CACNA1G: variants seen among roughly 807,000 people sequenced by gnomAD.
CACNA1G encodes calcium voltage-gated channel subunit alpha1 G, also known as voltage-dependent T-type calcium channel subunit alpha-1G.
In CACNA1G, 67 loss-of-function variants were observed where a neutral mutation model predicts 219.4. The observed-to-expected ratio is 0.31, with a 90% CI of 0.25 to 0.37. The LOEUF (loss-of-function observed/expected upper bound fraction) is 0.37. Ranked by LOEUF, CACNA1G falls within the 10% of genes least tolerant of loss-of-function variation. CACNA1G has a pLI of 1.00. For synonymous variants in CACNA1G, 1,296 were observed against 1,345.3 expected, an observed-to-expected ratio of 0.96 and a Z score of 0.80; for missense variants, 2,380 against 3,231.4, an observed-to-expected ratio of 0.74 and a Z score of 6.39.
At chr17:50,599,196 T>C (rs540768362) in intron 16 of CACNA1G, among the ~76,000 whole-genome samples, 153 of 152,350 alleles carry the variant, frequency 1.0e-3, no homozygotes, top group African/African-American at 3.3e-3. Context: ...TATTGCCATA[T>C]CTAGTTTACA....
chr17:50,573,320 G>T, intron 7 of CACNA1G: 1 of 552,428 alleles, frequency 1.8e-6, no homozygotes, highest in Non-Finnish European at 3.3e-6. Flanking sequence ...ACTGCTATTG[G>T]GACCTTGGGC....
At chr17:50,605,667 C>T (rs974686873) in intron 22 of CACNA1G, among the ~76,000 whole-genome samples, 3 of 152,212 alleles carry the variant, frequency 2.0e-5, no homozygotes, top group Admixed American at 6.5e-5. Context: ...TACCCGCCTC[C>T]ACCCTTTCCC....
intron 36 of CACNA1G, 27 bp from the exon 37 acceptor site, chr17:50,624,333 C>A: frequency 1.6e-6 from 2 of 1,281,286 alleles, no homozygotes; most frequent in Non-Finnish European, 2.2e-6. Flanking sequence ...CTCCCCCCAC[C>A]CCTCCCCCGC....
At position 50,572,624 on chromosome 17, in the gene CACNA1G, C is replaced by A; in HGVS notation, c.817C>A (p.Gln273Lys). The A allele has an allele frequency of 6.3e-7, 1 of 1,595,984 alleles. No individual in the cohort carries two copies. The change falls in exon 6 of 38, where the codon CAG (glutamine) becomes AAG (lysine). Residue 273 changes from glutamine (Q) to lysine (K), a missense_variant. By Grantham distance (53) the Gln-to-Lys change is moderately conservative. Transcript: ENST00000359106. ...NEDESPFICS[Q>K]PRENGMRSCR... is the part of the protein sequence containing the mutation. Reference sequence around the variant, plus strand: ...GGATGAGAGCCCCTTCATCTGCTCCCAGCCACGCGAGAACGGCATGCGGTC... The same window carrying A: ...GGATGAGAGCCCCTTCATCTGCTCCAAGCCACGCGAGAACGGCATGCGGTC...
intron 1 of CACNA1G, 38 bp from the exon 2 acceptor site, chr17:50,568,832 C>A: frequency 6.4e-7 from 1 of 1,567,418 alleles, no homozygotes; most frequent in Non-Finnish European, 8.8e-7. Context: ...CCGGCCTCAG[C>A]TCCAGCCTTG....
chr17:50,615,220 C>T (rs1312815177), intron 26 of CACNA1G, 141 bp from the exon 27 acceptor site: 32 of 797,694 alleles, frequency 4.0e-5, no homozygotes, highest in African/African-American at 2.1e-4. Context: ...CAAGGGGCAG[C>T]GTGGGGAGGG....
intron 25 of CACNA1G, among the ~76,000 whole-genome samples, chr17:50,608,555 C>T (rs1042082896): frequency 6.7e-6 from 1 of 148,820 alleles, no homozygotes; most frequent in Non-Finnish European, 1.5e-5. Flanking sequence ...TATATTTCTG[C>T]TAAACTTAAA....
In CACNA1G at chr17:50,591,724, C is replaced by T. The variant is rs750811690; in HGVS notation, c.2640-15C>T. 28 of 1,612,276 alleles carry T rather than the reference C, an allele frequency of 1.7e-5. No individual in the cohort carries two copies. Among genetic ancestry groups the T allele is most frequent in the Non-Finnish European group, 2.1e-5 (25 of 1,178,502 alleles). On this transcript the variant is annotated splice_polypyrimidine_tract_variant and intron_variant, in intron 11 of 37. Coordinates refer to ENST00000359106, the MANE Select transcript of CACNA1G (RefSeq NM_018896.5). ...GGGCTCTGATCCCTAGCTTGTGGCC[C>T]CCTTGTGCCCACAGCATCCTGGGCA...
intron 8 of CACNA1G, among the ~76,000 whole-genome samples, chr17:50,577,102 C>G: frequency 6.6e-6 from 1 of 152,218 alleles, no homozygotes; most frequent in East Asian, 1.9e-4. Flanking sequence ...CCAGAAGGTG[C>G]TATCACAGAA....
rs749835211 is a variant in CACNA1G at position 50,569,287 on chromosome 17, C to T, written c.477C>T (p.Ile159=). 3.1e-6 allele frequency: 5 copies of T among 1,613,598 alleles called. No homozygotes were observed. The highest frequency in any genetic ancestry group is 3.4e-6 in the Non-Finnish European group (4 of 1,179,804). The change falls in exon 3 of 38, where the codon ATC becomes ATT. Residue 159 remains isoleucine (I), a synonymous_variant. Transcript: ENST00000359106. ...GDTWNRLDFF[I]VIAGMLEYSL... ...CTTGGAACCGGCTTGACTTTTTCAT[C>T]GTCATCGCAGGGTGAGGACCTGGGC... is the stretch of plus-strand genomic sequence containing the variant.
At chr17:50,572,484 C>A in intron 5 of CACNA1G, 70 bp from the exon 6 acceptor site, 1 of 1,339,914 alleles carries the variant, frequency 7.5e-7, no homozygotes, top group South Asian at 1.5e-5. Context: ...TGCCATCTCT[C>A]CCTTCCTGGG....
intron 35 of CACNA1G, among the ~76,000 whole-genome samples, chr17:50,622,986 G>A (rs550902956): frequency 6.6e-6 from 1 of 151,902 alleles, no homozygotes; most frequent in Non-Finnish European, 1.5e-5. Context: ...TGAACAGCCT[G>A]CAACCTGCAA....
Position 50,626,410 on chromosome 17 carries a change from C to A in CACNA1G, c.6793C>A (p.Gln2265Lys), listed in dbSNP as rs747909406. The change falls in exon 38 of 38, where the codon CAG becomes AAG. Residue 2265 changes from glutamine to lysine, a missense_variant. Coordinates refer to ENST00000359106, the MANE Select transcript of CACNA1G (RefSeq NM_018896.5). This position sits in a 1 kb window ranked among gnomAD's most constrained non-coding sequence, Gnocchi z 4.3. ...QRRPTSWLDE[Q>K]RRHSIAVSCL... is the part of the protein sequence containing the mutation. ...CCGGCCTACGTCCTGGCTGGATGAG[C>A]AGAGGAGACACTCTATCGCCGTCAG... 1 of 1,610,754 alleles carries A rather than the reference C, an allele frequency of 6.2e-7. No homozygotes were observed. The highest frequency in any genetic ancestry group is 8.5e-7 in the Non-Finnish European group (1 of 1,178,976).
chr17:50,561,049 G>GGC lies in CACNA1G; in HGVS notation c.-408_-407dup, dbSNP rs1462677082. On this transcript the variant is annotated 5_prime_UTR_variant, in exon 1 of 38. Coordinates refer to ENST00000359106, the MANE Select transcript of CACNA1G (RefSeq NM_018896.5). ...CTCCAGCTGCGCCGCGGGAAGAGGG[G>GGC]GCGCCCCTCCCCGGACCCCCGCCCT... The GGC allele has an allele frequency of 1.2e-5, 4 of 347,588 alleles. No homozygotes were observed. In the East Asian group the frequency reaches 4.6e-4, roughly 40 times the overall value. 21.5% of individuals were successfully genotyped at this position (347,588 alleles called of 1,614,324 possible).
At position 50,575,737 on chromosome 17, in the gene CACNA1G, T is replaced by C. The variant is rs1473299394; in HGVS notation, c.1335T>C (p.Arg445=). The C allele has an allele frequency of 6.3e-7, 1 of 1,583,140 alleles. No homozygotes were observed. Among genetic ancestry groups the C allele is most frequent in the East Asian group, 2.3e-5 (1 of 43,106 alleles). The change falls in exon 8 of 38, where the codon CGT becomes CGC. Residue 445 remains arginine, a synonymous_variant. Transcript: ENST00000359106. ...ELLKYLVYIL[R]KAARRLAQVS... ...TCAAGTACCTGGTGTACATCCTTCG[T>C]AAGGCAGCCCGCAGGCTGGCTCAGG...
At chr17:50,582,114 G>A (rs2042083527) in intron 9 of CACNA1G, among the ~76,000 whole-genome samples, 1 of 152,220 alleles carries the variant, frequency 6.6e-6, no homozygotes, top group African/African-American at 2.4e-5. Context: ...TCTTTTTAAA[G>A]AGGTCACAAC....
In CACNA1G at chr17:50,607,689, A is replaced by G. The variant is rs541824686; in HGVS notation, c.4513-138A>G. The G allele has an allele frequency of 1.0e-5, 7 of 695,528 alleles. No individual in the cohort carries two copies. In the African/African-American group the frequency reaches 1.2e-4, roughly 12 times the overall value. The allele number at this position is 695,528 out of a possible 1,614,324, so 43.1% of individuals were successfully genotyped here. A position where few individuals can be genotyped will look rare whatever the true frequency, so the allele number is the denominator to read the frequency against. ...CCGCCCCTCCCTACTGCTTCACATC[A>G]AACCCACACCATTCATTTCCATCGC... On this transcript the variant is annotated intron_variant, in intron 24 of 37. Coordinates refer to ENST00000359106, the MANE Select transcript of CACNA1G (RefSeq NM_018896.5).
In CACNA1G at chr17:50,618,402, T is replaced by C; in HGVS notation, c.5427+59T>C. On this transcript the variant is annotated intron_variant, in intron 32 of 37. Coordinates refer to ENST00000359106, the MANE Select transcript of CACNA1G (RefSeq NM_018896.5). This position sits in a 1 kb window ranked among gnomAD's most constrained non-coding sequence, Gnocchi z 5.3. Reference sequence around the variant, plus strand: ...GGCAGCCCCACTTCCTGAGCTAGGATTCCTTGGGAAGATGAATTGGCCACA... The same window carrying C: ...GGCAGCCCCACTTCCTGAGCTAGGACTCCTTGGGAAGATGAATTGGCCACA... The C allele has an allele frequency of 1.3e-6, 2 of 1,593,426 alleles. No homozygotes were observed. The highest frequency in any genetic ancestry group is 1.7e-6 in the Non-Finnish European group (2 of 1,165,582).
intron 9 of CACNA1G, among the ~76,000 whole-genome samples, chr17:50,581,748 G>A (rs2042009486): frequency 6.6e-6 from 1 of 152,266 alleles, no homozygotes; most frequent in Non-Finnish European, 1.5e-5. Context: ...GAGAGAGCAA[G>A]AAAATGACCT....
Sources: gnomAD v4.1 joint callset for allele counts (sites outside exome capture counted in the v4.1 genomes callset) on GRCh38, gnomAD v4.1.1 for gene constraint, Gnocchi (gnomAD v3.1) non-coding constraint, MANE v1.5 for transcripts, NCBI Gene and HGNC (gene_info 2026-07-23, HGNC 2026-07-21) for gene names.